The following SYN3 variants were observed in gnomAD, a reference collection of about 807,000 sequenced individuals.
The protein encoded by SYN3 is synapsin III.
In SYN3, 35 loss-of-function variants were observed where a neutral mutation model predicts 65.8. The ratio of observed to expected loss-of-function variants is 0.53; its 90% CI spans 0.41 to 0.70. The LOEUF (loss-of-function observed/expected upper bound fraction) is 0.70. Ranked by LOEUF, SYN3 falls within the 30% of genes least tolerant of loss-of-function variation. The probability of loss-of-function intolerance (pLI) is 0.00; values close to 1 mark genes in which losing one functional copy is unlikely to be tolerated. For missense variants in SYN3, 680 were observed against 749.0 expected (o/e 0.91, Z 1.08); for synonymous variants, 270 against 292.9 (o/e 0.92, Z 0.80).
intron 6 of SYN3, among the ~76,000 whole-genome samples, chr22:32,745,712 G>A (rs968424346): frequency 2.6e-5 from 4 of 152,110 alleles, no homozygotes; most frequent in African/African-American, 4.8e-5. Context: ...AAACGGACAC[G>A]TACACCCAGA....
Position 32,508,108 on chromosome 22 carries a change from C to A in SYN3, c.*5584G>T, listed in dbSNP as rs1466930158. Among the ~76,000 whole-genome samples, 1 of 152,174 alleles carries A rather than the reference C, an allele frequency of 6.6e-6. No homozygotes were observed. The highest frequency in any genetic ancestry group is 1.5e-5 in the Non-Finnish European group (1 of 68,042). ...GAGCCCAAGCCAAGCCATCGCATCC[C>A]CTGTGACTTGCGCGTATACGCCCAG... On this transcript the variant is annotated 3_prime_UTR_variant, in exon 14 of 14. Coordinates refer to ENST00000358763, the MANE Select transcript of SYN3 (RefSeq NM_003490.4).
intron 6 of SYN3, among the ~76,000 whole-genome samples, chr22:32,664,584 C>CTTTT (rs71320943): frequency 0.044 from 3,042 of 69,022 alleles, 702 homozygotes; most frequent in African/African-American, 0.087. Flanking sequence ...CAATTGGTCG[C>CTTTT]TTTTTTTTTT....
At chr22:32,706,780 T>A (rs1227344807) in intron 6 of SYN3, among the ~76,000 whole-genome samples, 1 of 152,254 alleles carries the variant, frequency 6.6e-6, no homozygotes, top group Non-Finnish European at 1.5e-5. Flanking sequence ...TACCCCACTG[T>A]TTTCTTTTGC....
rs531994576 is a variant in SYN3 at position 32,920,547 on chromosome 22, C to T, written c.461+10843G>A. Among the ~76,000 whole-genome samples the T allele has an allele frequency of 3.3e-5, 5 of 152,368 alleles. No homozygotes were observed. In the South Asian group the frequency reaches 1.0e-3, roughly 32 times the overall value. ...ACCAGAGGAAGGAGGGCTATCAAGA[C>T]AGCTGCTGCAAATACTGGTGATTTA... On this transcript the variant is annotated intron_variant, in intron 4 of 13. Coordinates refer to ENST00000358763, the MANE Select transcript of SYN3 (RefSeq NM_003490.4).
At chr22:32,750,947 A>G (rs774706550) in intron 6 of SYN3, among the ~76,000 whole-genome samples, 21 of 152,124 alleles carry the variant, frequency 1.4e-4, no homozygotes, top group Admixed American at 2.0e-4. Context: ...CCCATCAGAC[A>G]TCCAGGGGAG....
intron 7 of SYN3, among the ~76,000 whole-genome samples, chr22:32,564,678 A>C (rs1281195147): frequency 6.6e-6 from 1 of 151,708 alleles, no homozygotes; most frequent in Non-Finnish European, 1.5e-5. Flanking sequence ...CCCAGACTGC[A>C]CCCAAAGAGT....
chr22:32,762,436 A>G (rs2045509301), intron 6 of SYN3, among the ~76,000 whole-genome samples: 2 of 152,240 alleles, frequency 1.3e-5, no homozygotes, highest in African/African-American at 4.8e-5. Flanking sequence ...CAACAAACAA[A>G]CAGAAAATGT....
At chr22:32,945,737 C>G (rs1422951148) in intron 3 of SYN3, among the ~76,000 whole-genome samples, 1 of 152,156 alleles carries the variant, frequency 6.6e-6, no homozygotes, top group African/African-American at 2.4e-5. Flanking sequence ...AAGAAACTAC[C>G]ACTAGAGTGA....
rs115869039 is a variant in SYN3 at position 32,948,805 on chromosome 22, G to T, written c.370-17324C>A. Among the ~76,000 whole-genome samples the T allele has an allele frequency of 7.4e-3, 1,113 of 150,438 alleles. 15 individuals carry two copies. Among genetic ancestry groups the T allele is most frequent in the African/African-American group, 0.026 (1,050 of 40,932 alleles). On this transcript the variant is annotated intron_variant, in intron 3 of 13. Transcript: ENST00000358763. ...TTTTTCTTCTTATTTCATGTTCGTT[G>T]AGCTTCTTGGGTTTAAAATTTCCAT...
At chr22:32,957,453 G>T (rs1017406314) in intron 3 of SYN3, among the ~76,000 whole-genome samples, 2 of 152,112 alleles carry the variant, frequency 1.3e-5, no homozygotes, top group Admixed American at 6.6e-5. Context: ...ACAGCCTAAG[G>T]CCCCATCTGT....
At chr22:32,728,795 G>A (rs892132357) in intron 6 of SYN3, among the ~76,000 whole-genome samples, 3 of 152,220 alleles carry the variant, frequency 2.0e-5, no homozygotes, top group African/African-American at 7.2e-5. Context: ...TAGAGGAGTT[G>A]AAGTATTTAT....
chr22:32,730,820 C>T (rs1161733326), intron 6 of SYN3, among the ~76,000 whole-genome samples: 2 of 152,202 alleles, frequency 1.3e-5, no homozygotes, highest in African/African-American at 2.4e-5. Flanking sequence ...TTGCCACTCT[C>T]CCTTTTGCCA....
intron 7 of SYN3, among the ~76,000 whole-genome samples, chr22:32,561,156 G>T (rs1020823484): frequency 6.6e-6 from 1 of 152,160 alleles, no homozygotes; most frequent in Non-Finnish European, 1.5e-5. Context: ...GCTCCTAGTG[G>T]ATGGGAACAG....
At chr22:32,588,524 T>C (rs1421405696) in intron 7 of SYN3, among the ~76,000 whole-genome samples, 1 of 152,204 alleles carries the variant, frequency 6.6e-6, no homozygotes, top group East Asian at 1.9e-4. Context: ...TAACAGGGTA[T>C]ATTTGTAGTG....
intron 7 of SYN3, among the ~76,000 whole-genome samples, chr22:32,552,420 CTTTTT>C (rs968943500): frequency 1.4e-5 from 2 of 138,260 alleles, no homozygotes; most frequent in Non-Finnish European, 3.2e-5. Context: ...AAAGGTTTTT[CTTTTT>C]TTTTTCTTTT....
At chr22:32,785,355 C>T (rs5754285) in intron 6 of SYN3, among the ~76,000 whole-genome samples, 7,296 of 152,222 alleles carry the variant, frequency 0.048, 212 homozygotes, top group Non-Finnish European at 0.052. Flanking sequence ...CGGGTAGAGT[C>T]TTGGGTGTTA....
At chr22:32,910,725 T>C (rs1299570419) in intron 4 of SYN3, among the ~76,000 whole-genome samples, 2 of 152,216 alleles carry the variant, frequency 1.3e-5, no homozygotes, top group Non-Finnish European at 2.9e-5. Context: ...AACCTCTCAG[T>C]GCCTCAGATT....
At chr22:32,728,849 T>C (rs1189599734) in intron 6 of SYN3, among the ~76,000 whole-genome samples, 2 of 151,856 alleles carry the variant, frequency 1.3e-5, no homozygotes, top group African/African-American at 4.8e-5. Flanking sequence ...GCCCTGGGGG[T>C]GCGGTGGGTA....
At chr22:32,551,023 G>A (rs1362398827) in intron 7 of SYN3, among the ~76,000 whole-genome samples, 1 of 152,196 alleles carries the variant, frequency 6.6e-6, no homozygotes, top group Non-Finnish European at 1.5e-5. Context: ...GGTCATGTTT[G>A]GAGGGTGCTA....
Sources: gnomAD v4.1 joint callset for allele counts (sites outside exome capture counted in the v4.1 genomes callset) on GRCh38, gnomAD v4.1.1 for gene constraint, MANE v1.5 for transcripts, NCBI Gene and HGNC (gene_info 2026-07-23, HGNC 2026-07-21) for gene names.